ANKRD44: variants seen among roughly 807,000 people sequenced by gnomAD.
The protein encoded by ANKRD44 is ankyrin repeat domain 44, also known as serine/threonine-protein phosphatase 6 regulatory ankyrin repeat subunit B.
ANKRD44 carries 35 observed loss-of-function variants against 116.0 expected under a neutral mutation model. That is an observed-to-expected ratio of 0.30 (90% CI 0.23 to 0.40). ANKRD44 has a LOEUF of 0.40. ANKRD44 is among the 10% of genes least tolerant of loss of function. The pLI, the probability that ANKRD44 is intolerant of heterozygous loss-of-function variation, is 1.00. For missense variants in ANKRD44, 1,014 were observed against 1,242.6 expected (o/e 0.82, Z 2.77); for synonymous variants, 435 against 461.8 (o/e 0.94, Z 0.74).
rs771884805 is a variant in ANKRD44, at chr2:197,005,906, A to G, written c.2135T>C (p.Met712Thr). The G allele has an allele frequency of 3.1e-6, 5 of 1,614,188 alleles. No individual in the cohort carries two copies. Among genetic ancestry groups the G allele is most frequent in the Non-Finnish European group, 3.4e-6 (4 of 1,179,988 alleles). Residue 712 changes from methionine to threonine, a missense_variant, in exon 21 of 28, where the codon ATG becomes ACG. Coordinates refer to ENST00000282272, the MANE Select transcript of ANKRD44 (RefSeq NM_001195144.2). ...LGCTALHRGI[M>T]TGHEECVQML... ...TTGCACACATTCCTCGTGTCCTGTCATAATCTGATGCATTGTAATTAAAAA... is the reference window on the plus strand; with the variant it reads ...TTGCACACATTCCTCGTGTCCTGTCGTAATCTGATGCATTGTAATTAAAAA...
intron 1 of ANKRD44, among the ~76,000 whole-genome samples, chr2:197,289,926 C>T (rs571518916): frequency 4.6e-5 from 7 of 150,732 alleles, no homozygotes; most frequent in East Asian, 2.0e-4. Flanking sequence ...AGTGCAGTGG[C>T]GTGATCTCGG....
In ANKRD44 at chr2:197,254,315, C is replaced by T. The variant is rs370883315; in HGVS notation, c.27+56263G>A. Among the ~76,000 whole-genome samples, 49 of 152,032 alleles carry T rather than the reference C, an allele frequency of 3.2e-4. 1 individual carries two copies. The highest frequency in any genetic ancestry group is 1.1e-3 in the African/African-American group (45 of 41,462). On this transcript the variant is annotated intron_variant, in intron 1 of 27. Transcript: ENST00000282272. ...GGCTGAGGCAGGAGAACCTGGGAGG[C>T]GGAGGCTGCAGTGAGCTGAGAAAGC...
intron 9 of ANKRD44, among the ~76,000 whole-genome samples, chr2:197,105,182 C>T (rs1258752363): frequency 2.6e-5 from 4 of 151,866 alleles, no homozygotes; most frequent in Admixed American, 6.6e-5. Flanking sequence ...GGTGTAATCT[C>T]GGCTCACTGC....
intron 7 of ANKRD44, 104 bp from the exon 8 acceptor site, chr2:197,121,648 C>T (rs1303972259): frequency 6.3e-6 from 6 of 946,718 alleles, no homozygotes; most frequent in Non-Finnish European, 9.8e-6. Context: ...AAATAGCCAT[C>T]CGCCAATATA....
intron 1 of ANKRD44, among the ~76,000 whole-genome samples, chr2:197,189,796 A>C (rs2080779663): frequency 6.6e-6 from 1 of 152,214 alleles, no homozygotes; most frequent in Non-Finnish European, 1.5e-5. Flanking sequence ...TCCGGGGAAC[A>C]AACCCAACAC....
chr2:197,213,840 T>A (rs111751597), intron 1 of ANKRD44, among the ~76,000 whole-genome samples: 1 of 152,206 alleles, frequency 6.6e-6, no homozygotes, highest in Non-Finnish European at 1.5e-5. Context: ...ACTCTTTCTC[T>A]TTTTAAAAAG....
chr2:197,122,406 A>G (rs183071495), intron 7 of ANKRD44, among the ~76,000 whole-genome samples: 36 of 152,344 alleles, frequency 2.4e-4, no homozygotes, highest in Middle Eastern at 3.4e-3. Flanking sequence ...TATATATTAC[A>G]TAGAATCTTT....
In ANKRD44 at chr2:197,235,008, C is replaced by T. The variant is rs543709345; in HGVS notation, c.28-47902G>A. 5.9e-5 allele frequency among the ~76,000 whole-genome samples: 9 copies of T among 152,308 alleles called. No homozygotes were observed. In the East Asian group the frequency reaches 1.2e-3, roughly 20 times the overall value. ...TTATTCAGTGTTAACAGCAGGTGTTCAATCAGCCCTATGTTTCACTCACAG... is the reference window on the plus strand; with the variant it reads ...TTATTCAGTGTTAACAGCAGGTGTTTAATCAGCCCTATGTTTCACTCACAG... On this transcript the variant is annotated intron_variant, in intron 1 of 27. Transcript: ENST00000282272.
At chr2:197,237,640 CAA>C (rs2082005511) in intron 1 of ANKRD44, among the ~76,000 whole-genome samples, 1 of 152,202 alleles carries the variant, frequency 6.6e-6, no homozygotes, top group Admixed American at 6.5e-5. Context: ...TAAATCACTA[CAA>C]AAGAGAATCG....
chr2:197,185,180 C>T (rs977426299), intron 2 of ANKRD44, among the ~76,000 whole-genome samples: 1 of 152,204 alleles, frequency 6.6e-6, no homozygotes, highest in Admixed American at 6.5e-5. Flanking sequence ...GGTCGCAACC[C>T]GCAGGCCCTG....
chr2:197,052,055 A>G (rs1443763663), intron 16 of ANKRD44, among the ~76,000 whole-genome samples: 1 of 152,144 alleles, frequency 6.6e-6, no homozygotes, highest in Non-Finnish European at 1.5e-5. Flanking sequence ...ATAGGAAGAT[A>G]AGTTGCCAAG....
chr2:197,309,598 T>C (rs1330225574), intron 1 of ANKRD44, among the ~76,000 whole-genome samples: 2 of 152,202 alleles, frequency 1.3e-5, no homozygotes, highest in Admixed American at 6.5e-5. Context: ...TCTGACCCTG[T>C]AGTCAAAGTC....
intron 2 of ANKRD44, among the ~76,000 whole-genome samples, chr2:197,183,986 C>T (rs2080583374): frequency 6.6e-6 from 1 of 152,182 alleles, no homozygotes; most frequent in African/African-American, 2.4e-5. Context: ...TTCAAAACTG[C>T]ATCACAGTGT....
At chr2:197,268,400 TAAGAAA>T (rs934142314) in intron 1 of ANKRD44, among the ~76,000 whole-genome samples, 14 of 152,210 alleles carry the variant, frequency 9.2e-5, no homozygotes, top group African/African-American at 3.1e-4. Context: ...CAACTTTGGG[TAAGAAA>T]AGAGAGAAAC....
chr2:196,981,577 A>G (rs911934785), intron 21 of ANKRD44, among the ~76,000 whole-genome samples: 5 of 152,140 alleles, frequency 3.3e-5, no homozygotes, highest in Non-Finnish European at 7.3e-5. Flanking sequence ...GGAGTTCGAG[A>G]CCAGCCTGGC....
At chr2:197,095,055 T>C (rs543890547) in intron 10 of ANKRD44, among the ~76,000 whole-genome samples, 1 of 152,242 alleles carries the variant, frequency 6.6e-6, no homozygotes, top group Non-Finnish European at 1.5e-5. Context: ...TTCTCTCCTG[T>C]TTCTCCCATT....
rs556440070 is a variant in ANKRD44 at position 197,130,560 on chromosome 2, A to G, written c.262-4523T>C. On this transcript the variant is annotated intron_variant, in intron 4 of 27. Coordinates refer to ENST00000282272, the MANE Select transcript of ANKRD44 (RefSeq NM_001195144.2). ...AGGTTTTAGAACAGGAAGTTTCAAC[A>G]AACACCCCAGAGAGTTTAAATGCAC... Among the ~76,000 whole-genome samples, 6 of 152,328 alleles carry G rather than the reference A, an allele frequency of 3.9e-5. No individual in the cohort carries two copies. The South Asian group carries it at 1.2e-3, about 32-fold the overall frequency.
intron 27 of ANKRD44, chr2:196,992,723 A>C (rs1483116601): frequency 6.6e-6 from 1 of 152,640 alleles, no homozygotes; most frequent in Non-Finnish European, 1.5e-5. Context: ...TGGGGCTGCA[A>C]AATCAAAACT....
chr2:197,090,485 T>A (rs1318629837), intron 10 of ANKRD44, among the ~76,000 whole-genome samples: 2 of 149,324 alleles, frequency 1.3e-5, no homozygotes, highest in Non-Finnish European at 3.0e-5. Context: ...TTTCTTTTTT[T>A]TCTTTTCACT....
Sources: gnomAD v4.1 joint callset for allele counts (sites outside exome capture counted in the v4.1 genomes callset) on GRCh38, gnomAD v4.1.1 for gene constraint, MANE v1.5 for transcripts, NCBI Gene and HGNC (gene_info 2026-07-23, HGNC 2026-07-21) for gene names.